Variants in DOCK3 observed in about 807,000 individuals in gnomAD.
DOCK3 encodes the protein dedicator of cytokinesis 3.
Under a neutral mutation model 265.6 loss-of-function variants are expected in DOCK3, and 60 were observed. The ratio of observed to expected loss-of-function variants is 0.23; its 90% CI spans 0.18 to 0.28. The LOEUF is 0.28. Among genes scored for constraint, DOCK3 ranks in the 10% least tolerant of loss-of-function variants. The probability of loss-of-function intolerance (pLI) is 1.00; values close to 1 mark genes in which losing one functional copy is unlikely to be tolerated. For synonymous variants in DOCK3, 881 were observed against 938.0 expected (o/e 0.94, Z 1.11); for missense variants, 1,981 against 2,594.3 (o/e 0.76, Z 5.14).
In DOCK3 at chr3:51,118,910, G is replaced by A. The variant is rs140648404; in HGVS notation, c.747-27639G>A. ...TCTTCTGAATATAGCACACTGATGG[G>A]TCTTGACACTTTATCCAGTTTGCCA... On this transcript the variant is annotated intron_variant, in intron 9 of 52. Transcript: ENST00000266037. Among the ~76,000 whole-genome samples the A allele has an allele frequency of 4.9e-3, 742 of 152,120 alleles. 9 individuals carry two copies. The highest frequency in any genetic ancestry group is 0.017 in the African/African-American group (697 of 41,468).
At chr3:51,108,851 T>C (rs910318369) in intron 9 of DOCK3, among the ~76,000 whole-genome samples, 3 of 152,272 alleles carry the variant, frequency 2.0e-5, no homozygotes, top group African/African-American at 7.2e-5. Flanking sequence ...TAAATATATA[T>C]GCGCTCAACA....
In DOCK3 at chr3:51,316,888, T is replaced by C. The variant is rs76678828; in HGVS notation, c.3402+1760T>C. 9.4e-3 allele frequency among the ~76,000 whole-genome samples: 1,438 copies of C among 152,338 alleles called. 8 individuals are homozygous for C. The highest frequency in any genetic ancestry group is 0.014 in the Non-Finnish European group (956 of 68,028). On this transcript the variant is annotated intron_variant, in intron 32 of 52. Coordinates refer to ENST00000266037, the MANE Select transcript of DOCK3 (RefSeq NM_004947.5). ...GTTGAGCATATGATTTACAGATATT[T>C]TCTGCAAATCTTTAGCTTATCTTTT...
chr3:51,220,868 G>A (rs543399437), intron 14 of DOCK3, among the ~76,000 whole-genome samples: 1 of 151,876 alleles, frequency 6.6e-6, no homozygotes, highest in Non-Finnish European at 1.5e-5. Flanking sequence ...TTTCTGCTGG[G>A]ATGGAATTCC....
intron 33 of DOCK3, among the ~76,000 whole-genome samples, chr3:51,330,451 C>T (rs936988927): frequency 1.3e-5 from 2 of 152,154 alleles, no homozygotes; most frequent in Non-Finnish European, 2.9e-5. Context: ...CTCTGAGCTC[C>T]TGGATTTGCT....
At chr3:50,837,945 C>A (rs1378145598) in intron 2 of DOCK3, among the ~76,000 whole-genome samples, 1 of 152,126 alleles carries the variant, frequency 6.6e-6, no homozygotes, top group African/African-American at 2.4e-5. Context: ...TTGAGATCAG[C>A]AGAGGCTCTA....
intron 38 of DOCK3, among the ~76,000 whole-genome samples, chr3:51,346,215 G>A (rs2085554843): frequency 6.6e-6 from 1 of 152,044 alleles, no homozygotes; most frequent in Non-Finnish European, 1.5e-5. Flanking sequence ...TATGTATACT[G>A]TGCCATGTTG....
chr3:50,919,935 G>A (rs759613943), intron 4 of DOCK3, among the ~76,000 whole-genome samples: 10 of 152,234 alleles, frequency 6.6e-5, no homozygotes, highest in Non-Finnish European at 1.2e-4. Context: ...TCAATACCTA[G>A]TTTATTGAGA....
At chr3:51,118,349 G>T (rs2083844605) in intron 9 of DOCK3, among the ~76,000 whole-genome samples, 1 of 152,046 alleles carries the variant, frequency 6.6e-6, no homozygotes, top group Admixed American at 6.6e-5. Context: ...CCATTCTTTT[G>T]CATTTGCTGA....
intron 1 of DOCK3, among the ~76,000 whole-genome samples, chr3:50,767,432 T>TG (rs1483918243): frequency 6.6e-6 from 1 of 152,162 alleles, no homozygotes; most frequent in Non-Finnish European, 1.5e-5. Context: ...TGGTTATAGA[T>TG]GTGTGGTATT....
intron 23 of DOCK3, among the ~76,000 whole-genome samples, chr3:51,261,657 C>T (rs1032458781): frequency 2.6e-5 from 4 of 152,196 alleles, no homozygotes; most frequent in Non-Finnish European, 2.9e-5. Flanking sequence ...AGTTAAGATC[C>T]ACTGGCTTGA....
intron 9 of DOCK3, among the ~76,000 whole-genome samples, chr3:51,142,408 T>C (rs2085104452): frequency 6.6e-6 from 1 of 152,202 alleles, no homozygotes; most frequent in Non-Finnish European, 1.5e-5. Context: ...CCTACCCTTC[T>C]TCCCCAGCCC....
At chr3:50,841,442 A>G (rs762157527) in intron 2 of DOCK3, among the ~76,000 whole-genome samples, 4 of 152,108 alleles carry the variant, frequency 2.6e-5, no homozygotes, top group Non-Finnish European at 5.9e-5. Flanking sequence ...TTCTAATTGC[A>G]TTTTACTCAG....
chr3:51,262,851 G>A lies in DOCK3; in HGVS notation c.2355+2525G>A, dbSNP rs557454516. The stretch of plus-strand genomic sequence containing the variant: ...GAAGATCAACTTACTGAAATAAGTC[G>A]TGAAGACAAGATTAGAGAAAAAAGA... On this transcript the variant is annotated intron_variant, in intron 23 of 52. Coordinates refer to ENST00000266037, the MANE Select transcript of DOCK3 (RefSeq NM_004947.5). Among the ~76,000 whole-genome samples the A allele has an allele frequency of 3.3e-5, 5 of 152,222 alleles. No individual in the cohort carries two copies. In the East Asian group the frequency reaches 5.8e-4, roughly 18 times the overall value.
chr3:50,970,749 C>T (rs1317209718), intron 5 of DOCK3, among the ~76,000 whole-genome samples: 3 of 140,970 alleles, frequency 2.1e-5, no homozygotes, highest in African/African-American at 7.8e-5. Flanking sequence ...TAATTTAAAA[C>T]AGGGTATCAC....
At chr3:50,702,530 A>AT (rs1029117900) in intron 1 of DOCK3, among the ~76,000 whole-genome samples, 5 of 150,698 alleles carry the variant, frequency 3.3e-5, no homozygotes, top group South Asian at 2.1e-4. Context: ...CACCCAGCTA[A>AT]TTTTTTTTTG....
At chr3:50,771,067 C>T (rs2041245152) in intron 1 of DOCK3, among the ~76,000 whole-genome samples, 1 of 152,136 alleles carries the variant, frequency 6.6e-6, no homozygotes, top group South Asian at 2.1e-4. Context: ...TACCTCAAAG[C>T]ACAGGCAACC....
intron 3 of DOCK3, among the ~76,000 whole-genome samples, chr3:50,854,989 TGTC>T (rs1034856418): frequency 1.3e-5 from 2 of 152,138 alleles, no homozygotes; most frequent in African/African-American, 2.4e-5. Context: ...TTAATCTATG[TGTC>T]TATTTTTGTA....
At chr3:51,249,630 T>C (rs1230784247) in intron 22 of DOCK3, among the ~76,000 whole-genome samples, 28 of 36,142 alleles carry the variant, frequency 7.7e-4, no homozygotes, top group South Asian at 1.6e-3. Context: ...CGGCCAGCCG[T>C]CCCGTCCGGG....
At chr3:51,341,473 G>T in intron 38 of DOCK3, 88 bp downstream of exon 38, 2 of 1,556,588 alleles carry the variant, frequency 1.3e-6, no homozygotes, top group Middle Eastern at 1.7e-4. Context: ...AGCAGCTGCA[G>T]GGGGTAGTGT....
Sources: allele counts gnomAD v4.1 joint callset (sites outside exome capture counted in the v4.1 genomes callset), GRCh38; gene constraint gnomAD v4.1.1; transcripts MANE v1.5; gene names NCBI Gene and HGNC (gene_info 2026-07-23, HGNC 2026-07-21).